The following WDPCP variants were observed in gnomAD, a reference collection of about 807,000 sequenced individuals.
WDPCP encodes the protein WD repeat-containing and planar cell polarity effector protein fritz homolog.
In WDPCP, 71 loss-of-function variants were observed where a neutral mutation model predicts 93.1. The observed-to-expected ratio is 0.76, with a 90% CI of 0.63 to 0.93. The LOEUF (loss-of-function observed/expected upper bound fraction) is 0.93, where lower values mean the gene tolerates loss of function less well. WDPCP is among the 40% of genes least tolerant of loss of function. WDPCP has a pLI of 0.00. For synonymous variants in WDPCP, 315 were observed against 315.0 expected (o/e 1.00, Z 0.00); for missense variants, 844 against 887.4 (o/e 0.95, Z 0.62).
At chr2:63,623,640 T>C (rs1195946910) in intron 3 of WDPCP, among the ~76,000 whole-genome samples, 1 of 152,054 alleles carries the variant, frequency 6.6e-6, no homozygotes, top group Non-Finnish European at 1.5e-5. Flanking sequence ...GAGCTAACTA[T>C]CCTAAATATA....
intron 2 of WDPCP, among the ~76,000 whole-genome samples, chr2:63,736,312 A>T (rs894644803): frequency 3.9e-5 from 6 of 152,032 alleles, no homozygotes; most frequent in African/African-American, 1.5e-4. Flanking sequence ...ACTCCATCAG[A>T]AAATTGGAAA....
At chr2:63,708,569 G>A (rs112345461) in intron 2 of WDPCP, among the ~76,000 whole-genome samples, 8 of 152,268 alleles carry the variant, frequency 5.3e-5, no homozygotes, top group Middle Eastern at 6.8e-3. Flanking sequence ...CACCCCTTGC[G>A]CTTCCCGGGT....
At position 63,228,357 on chromosome 2, in the gene WDPCP, T is replaced by G. The variant is rs554238463; in HGVS notation, c.1915+30950A>C. On this transcript the variant is annotated intron_variant, in intron 14 of 17. Transcript: ENST00000272321. ...AAACAAGAGATGAGGTATTCTTTTA[T>G]TTTTGTTTTATTTTGTTCTTTTTCT... is the stretch of plus-strand genomic sequence containing the variant. 38 of 151,532 alleles carry G rather than the reference T, an allele frequency of 2.5e-4. No homozygotes were observed. In the South Asian group the frequency reaches 7.7e-3, roughly 31 times the overall value. The allele number at this position is 151,532 out of a possible 1,614,324, so 9.4% of individuals were successfully genotyped here.
chr2:63,490,420 T>C (rs984122078), intron 2 of WDPCP, among the ~76,000 whole-genome samples: 4 of 152,194 alleles, frequency 2.6e-5, no homozygotes, highest in African/African-American at 9.6e-5. Context: ...ACAATTTTTC[T>C]ATAAGTTTGT....
intron 17 of WDPCP, among the ~76,000 whole-genome samples, chr2:63,126,976 C>A (rs745791909): frequency 6.6e-6 from 1 of 151,948 alleles, no homozygotes; most frequent in African/African-American, 2.4e-5. Context: ...AGTCACCATG[C>A]CTGGCCTGCA....
intron 9 of WDPCP, among the ~76,000 whole-genome samples, chr2:63,425,710 C>T (rs1380223064): frequency 1.3e-5 from 2 of 152,090 alleles, no homozygotes; most frequent in Non-Finnish European, 2.9e-5. Context: ...AAAACCTCTA[C>T]AAAATATGGG....
intron 2 of WDPCP, among the ~76,000 whole-genome samples, chr2:63,490,322 G>A (rs904902192): frequency 6.6e-6 from 1 of 152,086 alleles, no homozygotes; most frequent in African/African-American, 2.4e-5. Context: ...AATCCTTTTT[G>A]TAGGACATAT....
intron 2 of WDPCP, among the ~76,000 whole-genome samples, chr2:63,808,327 TC>T (rs1670800277): frequency 7.3e-6 from 1 of 136,836 alleles, no homozygotes; most frequent in African/African-American, 2.7e-5. Context: ...CTCTCCCCTC[TC>T]CCCTCTCCCC....
At chr2:63,520,450 G>A (rs1031082768) in intron 1 of WDPCP, among the ~76,000 whole-genome samples, 9 of 152,080 alleles carry the variant, frequency 5.9e-5, no homozygotes, top group Non-Finnish European at 1.2e-4. Context: ...ATTCTCCAAG[G>A]TCAAAATGAA....
intron 9 of WDPCP, among the ~76,000 whole-genome samples, chr2:63,424,575 C>G (rs1696121133): frequency 6.6e-6 from 1 of 152,186 alleles, no homozygotes; most frequent in Non-Finnish European, 1.5e-5. Flanking sequence ...GGTACCCAAA[C>G]CAGGGGCCAG....
chr2:63,305,307 T>C (rs1685643474), intron 13 of WDPCP, among the ~76,000 whole-genome samples: 1 of 151,968 alleles, frequency 6.6e-6, no homozygotes, highest in Admixed American at 6.6e-5. Context: ...GGGAGACATC[T>C]CCCAGCAGGG....
chr2:63,521,520 ATAAAG>A (rs1196717458), intron 1 of WDPCP, among the ~76,000 whole-genome samples: 26 of 152,222 alleles, frequency 1.7e-4, no homozygotes, highest in African/African-American at 5.3e-4. Context: ...ACCCAGATTC[ATAAAG>A]TAAAGTTCTT....
At chr2:63,762,812 C>T (rs919849656) in intron 2 of WDPCP, among the ~76,000 whole-genome samples, 3 of 152,184 alleles carry the variant, frequency 2.0e-5, no homozygotes, top group Non-Finnish European at 1.5e-5. Flanking sequence ...AAGGGCTCCA[C>T]CCCACCTCTC....
intron 2 of WDPCP, among the ~76,000 whole-genome samples, chr2:63,707,678 G>A (rs371876683): frequency 4.6e-5 from 7 of 152,274 alleles, no homozygotes; most frequent in East Asian, 1.9e-4. Context: ...GAGGAGCTGC[G>A]TTCCTTTGGA....
intron 17 of WDPCP, among the ~76,000 whole-genome samples, chr2:63,152,281 T>C (rs1479946043): frequency 6.6e-6 from 1 of 151,558 alleles, no homozygotes; most frequent in Admixed American, 6.6e-5. Flanking sequence ...TCTTTTTTTT[T>C]TTTTTTTCTG....
At chr2:63,478,427 C>G (rs996973480) in intron 6 of WDPCP, among the ~76,000 whole-genome samples, 4 of 152,034 alleles carry the variant, frequency 2.6e-5, no homozygotes, top group Admixed American at 2.6e-4. Context: ...CCAAGATGGA[C>G]CATAGAATAG....
At chr2:63,693,215 G>A (rs1214350290) in intron 2 of WDPCP, among the ~76,000 whole-genome samples, 2 of 151,870 alleles carry the variant, frequency 1.3e-5, no homozygotes, top group African/African-American at 4.8e-5. Context: ...ATGCACAAGG[G>A]GACTATAAAC....
At chr2:63,812,046 G>T (rs561359237) in intron 2 of WDPCP, among the ~76,000 whole-genome samples, 18 of 151,176 alleles carry the variant, frequency 1.2e-4, no homozygotes, top group African/African-American at 3.9e-4. Flanking sequence ...ATTTTTTTTT[G>T]TAGAGACGGG....
chr2:63,376,616 T>C (rs1256126762), intron 12 of WDPCP, among the ~76,000 whole-genome samples: 1 of 152,004 alleles, frequency 6.6e-6, no homozygotes, highest in Non-Finnish European at 1.5e-5. Flanking sequence ...GGAGAATTCA[T>C]TAATTTTCCC....
Sources: allele counts gnomAD v4.1 joint callset (sites outside exome capture counted in the v4.1 genomes callset), GRCh38; gene constraint gnomAD v4.1.1; transcripts MANE v1.5; gene names NCBI Gene and HGNC (gene_info 2026-07-23, HGNC 2026-07-21).